The following TXNDC16 variants were observed in gnomAD, a reference collection of about 807,000 sequenced individuals.
TXNDC16 encodes thioredoxin domain-containing protein 16.
TXNDC16 carries 74 observed loss-of-function variants against 85.6 expected under a neutral mutation model. That is an observed-to-expected ratio of 0.86 (90% CI 0.72 to 1.05). The LOEUF (loss-of-function observed/expected upper bound fraction) is 1.05, where lower values mean the gene tolerates loss of function less well. TXNDC16 is among the 50% of genes least tolerant of loss of function. The pLI, the probability that TXNDC16 is intolerant of heterozygous loss-of-function variation, is 0.00. For synonymous variants in TXNDC16, 335 were observed against 326.5 expected (o/e 1.03, Z -0.28); for missense variants, 959 against 947.0 (o/e 1.01, Z -0.17).
chr14:52,470,719 G>A (rs2035888401), intron 14 of TXNDC16, 39 bp from the exon 15 acceptor site: 4 of 1,547,308 alleles, frequency 2.6e-6, no homozygotes, highest in South Asian at 2.5e-5. Flanking sequence ...ATTACTAATT[G>A]TAGAAAATGC....
chr14:52,519,395 T>C, intron 6 of TXNDC16, 102 bp from the exon 7 acceptor site: 1 of 822,676 alleles, frequency 1.2e-6, no homozygotes, highest in Non-Finnish European at 1.9e-6. Flanking sequence ...ATATCTCCAT[T>C]GAATAAATTA....
intron 16 of TXNDC16, among the ~76,000 whole-genome samples, chr14:52,459,720 A>T (rs1352841504): frequency 6.6e-6 from 1 of 152,196 alleles, no homozygotes; most frequent in Non-Finnish European, 1.5e-5. Context: ...AATCTACCAC[A>T]ATCAAGTAGG....
Position 52,542,373 on chromosome 14 carries a change from T to C in TXNDC16, c.241A>G (p.Lys81Glu), listed in dbSNP as rs2037849782. 1.3e-6 allele frequency: 2 copies of C among 1,599,336 alleles called. No individual in the cohort carries two copies. Among genetic ancestry groups the C allele is most frequent in the African/African-American group, 1.3e-5 (1 of 74,646 alleles). The change falls in exon 4 of 21, where the codon AAG becomes GAG. Residue 81 changes from lysine (K) to glutamate (E), a missense_variant and splice_region_variant. Transcript: ENST00000281741. ...PLQDYGISVA[K>E]VNCVKEEISR... ...TAGTAACATAAATATCTTTCTACCT[T>C]GGCAACTGAAATTCCATAGTCCTGC...
intron 9 of TXNDC16, among the ~76,000 whole-genome samples, chr14:52,503,463 G>A (rs928658942): frequency 1.3e-5 from 2 of 152,168 alleles, no homozygotes; most frequent in Non-Finnish European, 2.9e-5. Flanking sequence ...AGGCAAACAG[G>A]GTCTGGAGTG....
chr14:52,547,671 T>A (rs977930803), intron 1 of TXNDC16, among the ~76,000 whole-genome samples: 1 of 152,160 alleles, frequency 6.6e-6, no homozygotes, highest in Admixed American at 6.5e-5. Flanking sequence ...CAAACAGGAA[T>A]ACTTACAGTT....
At chr14:52,505,149 T>C (rs944848276) in intron 9 of TXNDC16, among the ~76,000 whole-genome samples, 1 of 152,086 alleles carries the variant, frequency 6.6e-6, no homozygotes, top group African/African-American at 2.4e-5. Context: ...ACTGTCAACA[T>C]TAGACAGATC....
chr14:52,470,993 C>T (rs555969907), intron 14 of TXNDC16, among the ~76,000 whole-genome samples: 2 of 152,326 alleles, frequency 1.3e-5, no homozygotes, highest in South Asian at 2.1e-4. Flanking sequence ...TAACCATAGA[C>T]AATCTAATGA....
chr14:52,514,860 C>T lies in TXNDC16; in HGVS notation c.605+20G>A, dbSNP rs893024815. 6.4e-7 allele frequency: 1 copy of T among 1,550,772 alleles called. No homozygotes were observed. The highest frequency in any genetic ancestry group is 8.8e-7 in the Non-Finnish European group (1 of 1,140,924). ...AAAAAAAAAACCTTTAAATTGTTGACATATGCTTTTTATACATACCCAATA... is the reference window on the plus strand; with the variant it reads ...AAAAAAAAAACCTTTAAATTGTTGATATATGCTTTTTATACATACCCAATA... On this transcript the variant is annotated intron_variant, in intron 8 of 20. Coordinates refer to ENST00000281741, the MANE Select transcript of TXNDC16 (RefSeq NM_020784.3).
rs769117454 is a variant in TXNDC16 at position 52,537,693 on chromosome 14, GTT to G, written c.244-23_244-22del. 6.3e-6 allele frequency: 9 copies of G among 1,417,808 alleles called. No homozygotes were observed. In the South Asian group the frequency reaches 7.0e-5, roughly 11 times the overall value. 87.8% of individuals were successfully genotyped at this position (1,417,808 alleles called of 1,614,324 possible). On this transcript the variant is annotated intron_variant, in intron 4 of 20. Coordinates refer to ENST00000281741, the MANE Select transcript of TXNDC16 (RefSeq NM_020784.3). ...TTAACCTTTAAAAGAGTATACTTAAGTTTTAGCATATATATCAAAAGGTCAAG... is the reference window on the plus strand; with the variant it reads ...TTAACCTTTAAAAGAGTATACTTAAGTTAGCATATATATCAAAAGGTCAAG...
At position 52,542,366 on chromosome 14, in the gene TXNDC16, T is replaced by C. The variant is rs1458296255; in HGVS notation, c.243+5A>G. On this transcript the variant is annotated splice_donor_5th_base_variant and intron_variant, in intron 4 of 20. Coordinates refer to ENST00000281741, the MANE Select transcript of TXNDC16 (RefSeq NM_020784.3). ...AATATTTTAGTAACATAAATATCTTTCTACCTTGGCAACTGAAATTCCATA... is the reference window on the plus strand; with the variant it reads ...AATATTTTAGTAACATAAATATCTTCCTACCTTGGCAACTGAAATTCCATA... 3 of 1,593,194 alleles carry C rather than the reference T, an allele frequency of 1.9e-6. No individual in the cohort carries two copies. The highest frequency in any genetic ancestry group is 2.7e-5 in the African/African-American group (2 of 74,342).
chr14:52,530,670 A>G (rs1440825139), intron 6 of TXNDC16, among the ~76,000 whole-genome samples: 2 of 127,990 alleles, frequency 1.6e-5, no homozygotes, highest in African/African-American at 5.9e-5. Context: ...ATGTGTATAT[A>G]TGTTACACCT....
At position 52,520,112 on chromosome 14, in the gene TXNDC16, C is replaced by G. The variant is rs80279392; in HGVS notation, c.393-819G>C. ...GAAAAAGTAGGGCAGGAATTTTACT[C>G]CCATTCTTTATTTGAAGAAATGGAA... On this transcript the variant is annotated intron_variant, in intron 6 of 20. Coordinates refer to ENST00000281741, the MANE Select transcript of TXNDC16 (RefSeq NM_020784.3). 4.9e-3 allele frequency among the ~76,000 whole-genome samples: 741 copies of G among 152,176 alleles called. 14 individuals are homozygous for G. The highest frequency in any genetic ancestry group is 0.039 in the Admixed American group (601 of 15,276).
chr14:52,453,641 C>A lies in TXNDC16; in HGVS notation c.1842+1683G>T, dbSNP rs369151059. ...AGCTAAAACTTAAAACAATTGAACT[C>A]ATGGAGATAGAGAAAAGGATGGTTA... is the stretch of plus-strand genomic sequence containing the variant. On this transcript the variant is annotated intron_variant, in intron 18 of 20. Coordinates refer to ENST00000281741, the MANE Select transcript of TXNDC16 (RefSeq NM_020784.3). Among the ~76,000 whole-genome samples, 8 of 152,216 alleles carry A rather than the reference C, an allele frequency of 5.3e-5. No individual in the cohort carries two copies. The East Asian group carries it at 1.5e-3, about 29-fold the overall frequency.
At chr14:52,501,329 G>A (rs925693163) in intron 9 of TXNDC16, among the ~76,000 whole-genome samples, 6 of 151,956 alleles carry the variant, frequency 3.9e-5, no homozygotes, top group Admixed American at 6.6e-5. Flanking sequence ...GCTTAGAAGT[G>A]AACTAATAAT....
chr14:52,517,761 A>G (rs2037118695), intron 7 of TXNDC16, among the ~76,000 whole-genome samples: 1 of 152,120 alleles, frequency 6.6e-6, no homozygotes, highest in African/African-American at 2.4e-5. Flanking sequence ...TCTCGTTAAC[A>G]TACAAATATG....
chr14:52,500,354 G>T (rs2036627447), intron 9 of TXNDC16, among the ~76,000 whole-genome samples: 1 of 152,148 alleles, frequency 6.6e-6, no homozygotes, highest in Non-Finnish European at 1.5e-5. Context: ...TAAGCCAACT[G>T]CAAAAACAAA....
chr14:52,496,415 C>T (rs1420500604), intron 9 of TXNDC16, among the ~76,000 whole-genome samples: 10 of 132,984 alleles, frequency 7.5e-5, no homozygotes, highest in Admixed American at 6.3e-4. Context: ...CCCTCCAACT[C>T]GTCTTTTTTT....
intron 6 of TXNDC16, among the ~76,000 whole-genome samples, chr14:52,530,255 T>TTATATAATAA (rs1491260547): frequency 0.07 from 3,590 of 51,118 alleles, 184 homozygotes; most frequent in Admixed American, 0.076. Flanking sequence ...ATAATATATA[T>TTATATAATAA]TATATAATAT....
chr14:52,430,669 C>A lies in TXNDC16; in HGVS notation c.*1635G>T, dbSNP rs1454548972. 2 of 152,194 alleles carry A rather than the reference C, an allele frequency of 1.3e-5. No individual in the cohort carries two copies. The highest frequency in any genetic ancestry group is 2.9e-5 in the Non-Finnish European group (2 of 68,038). The allele number at this position is 152,194 out of a possible 1,614,324, so 9.4% of individuals were successfully genotyped here. ...ACTGTCAAAATTGCTGACAAAGGTA[C>A]AATGACTAAGCAATTTCATGTTTCT... On this transcript the variant is annotated 3_prime_UTR_variant, in exon 21 of 21. Coordinates refer to ENST00000281741, the MANE Select transcript of TXNDC16 (RefSeq NM_020784.3).
Sources: allele counts gnomAD v4.1 joint callset (sites outside exome capture counted in the v4.1 genomes callset), GRCh38; gene constraint gnomAD v4.1.1; transcripts MANE v1.5; gene names NCBI Gene and HGNC (gene_info 2026-07-23, HGNC 2026-07-21).